The following PPARGC1A variants were observed in gnomAD, a reference collection of about 807,000 sequenced individuals.
PPARGC1A encodes the protein PPARG coactivator 1 alpha.
PPARGC1A carries 25 observed loss-of-function variants against 88.7 expected under a neutral mutation model. The observed-to-expected ratio is 0.28, with a 90% CI of 0.21 to 0.39. The LOEUF (loss-of-function observed/expected upper bound fraction) is 0.39, where lower values mean the gene tolerates loss of function less well. Ranked by LOEUF, PPARGC1A falls within the 10% of genes least tolerant of loss-of-function variation. PPARGC1A has a pLI of 1.00. For missense variants in PPARGC1A, 880 were observed against 968.7 expected (o/e 0.91, Z 1.22); for synonymous variants, 363 against 355.6 (o/e 1.02, Z -0.24).
chr4:24,279,450 T>C, the PPARGC1A span, among the ~76,000 whole-genome samples: 1 of 152,134 alleles, frequency 6.6e-6, no homozygotes, highest in Non-Finnish European at 1.5e-5. Flanking sequence ...TTCAGGATGA[T>C]AGAGAAAGAA....
the PPARGC1A span, among the ~76,000 whole-genome samples, chr4:24,109,036 C>CCACACA: frequency 4.7e-5 from 6 of 128,622 alleles, no homozygotes; most frequent in East Asian, 2.2e-4. Context: ...CACACACACA[C>CCACACA]CACACACACA....
At chr4:24,450,105 C>T in the PPARGC1A span, among the ~76,000 whole-genome samples, 1 of 152,218 alleles carries the variant, frequency 6.6e-6, no homozygotes, top group Non-Finnish European at 1.5e-5. Flanking sequence ...CCAACATGGT[C>T]TGTGGGAACA....
the PPARGC1A span, among the ~76,000 whole-genome samples, chr4:24,169,130 G>C: frequency 6.6e-6 from 1 of 152,100 alleles, no homozygotes; most frequent in African/African-American, 2.4e-5. Flanking sequence ...CTTTACTTTT[G>C]TGGGCTTCCT....
the PPARGC1A span, among the ~76,000 whole-genome samples, chr4:23,965,495 T>C: frequency 5.9e-5 from 9 of 152,356 alleles, no homozygotes; most frequent in Non-Finnish European, 8.8e-5. Context: ...CCTTATTCAT[T>C]GTGCCTCTCC....
chr4:24,058,112 G>A, the PPARGC1A span, among the ~76,000 whole-genome samples: 5 of 152,170 alleles, frequency 3.3e-5, no homozygotes, highest in African/African-American at 1.2e-4. Context: ...GCATCTTCAC[G>A]TGGTACCCAG....
chr4:24,191,709 G>T, the PPARGC1A span, among the ~76,000 whole-genome samples: 1 of 152,216 alleles, frequency 6.6e-6, no homozygotes, highest in African/African-American at 2.4e-5. Flanking sequence ...ATTTCATCTC[G>T]CAGAGGAGGC....
At chr4:24,387,811 A>AGAAAGAAG in the PPARGC1A span, among the ~76,000 whole-genome samples, 51 of 110,574 alleles carry the variant, frequency 4.6e-4, 1 homozygote, top group Admixed American at 1.2e-3. Flanking sequence ...AAAGAAAGAA[A>AGAAAGAAG]GAAAGAAAGA....
At chr4:24,349,088 C>T in the PPARGC1A span, among the ~76,000 whole-genome samples, 1 of 152,334 alleles carries the variant, frequency 6.6e-6, no homozygotes, top group African/African-American at 2.4e-5. Context: ...TCTAGCCATC[C>T]AGCGAGTCTA....
chr4:24,395,767 T>C, the PPARGC1A span, among the ~76,000 whole-genome samples: 1 of 151,960 alleles, frequency 6.6e-6, no homozygotes, highest in African/African-American at 2.4e-5. Flanking sequence ...GAAGTTGAGG[T>C]TCAGGGAGGA....
chr4:24,074,409 T>C, the PPARGC1A span, among the ~76,000 whole-genome samples: 2 of 152,158 alleles, frequency 1.3e-5, no homozygotes, highest in Admixed American at 6.5e-5. Context: ...TCACCTAGGT[T>C]GCCTTTCTCC....
intron 7 of PPARGC1A, among the ~76,000 whole-genome samples, chr4:23,815,763 T>C (rs143451898): frequency 2.0e-3 from 297 of 152,254 alleles, no homozygotes; most frequent in African/African-American, 6.8e-3. Flanking sequence ...CAATGGAGCA[T>C]TTTAGTTTAC....
chr4:24,210,269 A>G, the PPARGC1A span, among the ~76,000 whole-genome samples: 4 of 152,240 alleles, frequency 2.6e-5, no homozygotes, highest in Non-Finnish European at 4.4e-5. Context: ...AAAAATACAA[A>G]GGATTTATAA....
the PPARGC1A span, among the ~76,000 whole-genome samples, chr4:24,220,948 C>T: frequency 1.7e-3 from 258 of 152,160 alleles, 1 homozygote; most frequent in African/African-American, 6.1e-3. Context: ...AAAGAAATAG[C>T]AAATCCTACT....
the PPARGC1A span, among the ~76,000 whole-genome samples, chr4:24,417,228 G>GA: frequency 6.6e-6 from 1 of 152,104 alleles, no homozygotes; most frequent in Non-Finnish European, 1.5e-5. Context: ...TTTAAAGAGG[G>GA]AGTTCTATTA....
At chr4:24,122,436 TAGAGAGAGAG>T in the PPARGC1A span, among the ~76,000 whole-genome samples, 1 of 124,246 alleles carries the variant, frequency 8.0e-6, no homozygotes, top group Non-Finnish European at 1.6e-5. Flanking sequence ...TATATATATA[TAGAGAGAGAG>T]AGAGAGAGAG....
chr4:24,470,326 TC>T, the PPARGC1A span, among the ~76,000 whole-genome samples: 1 of 110,320 alleles, frequency 9.1e-6, no homozygotes, highest in Non-Finnish European at 1.9e-5. The surrounding 1 kb of genome is among the most constrained non-coding windows in gnomAD (Gnocchi z 5.8). Context: ...ACACACACAC[TC>T]TCTCACACAG....
intron 1 of PPARGC1A, chr4:23,889,195 C>G (rs1577669651): frequency 2.0e-6 from 2 of 985,376 alleles, no homozygotes; most frequent in Non-Finnish European, 2.4e-6. Context: ...AAACTCTATT[C>G]TCTCTCAGCT....
the PPARGC1A span, among the ~76,000 whole-genome samples, chr4:23,965,982 A>G: frequency 3.9e-5 from 6 of 152,206 alleles, no homozygotes; most frequent in Admixed American, 3.9e-4. Context: ...CCAAACAAGC[A>G]TGTAGAACAG....
intron 2 of PPARGC1A, chr4:23,883,136 C>A (rs1716257129): frequency 6.6e-6 from 1 of 152,176 alleles, no homozygotes; most frequent in Admixed American, 6.5e-5. Flanking sequence ...CTGGCCAAGT[C>A]CTCACATGAA....
Sources: allele counts gnomAD v4.1 joint callset (sites outside exome capture counted in the v4.1 genomes callset), GRCh38; gene constraint gnomAD v4.1.1; non-coding constraint Gnocchi (gnomAD v3.1); transcripts MANE v1.5; gene names NCBI Gene and HGNC (gene_info 2026-07-23, HGNC 2026-07-21).